The following UNC13C variants were observed in gnomAD, a reference collection of about 807,000 sequenced individuals.
The protein encoded by UNC13C is protein unc-13 homolog C.
A neutral mutation model predicts 245.4 loss-of-function variants in UNC13C; 174 were observed. The observed-to-expected ratio is 0.71, with a 90% confidence interval of 0.63 to 0.80. The LOEUF is 0.80. Ranked by LOEUF, UNC13C falls within the 30% of genes least tolerant of loss-of-function variation. The probability of loss-of-function intolerance (pLI) is 0.00; values close to 1 mark genes in which losing one functional copy is unlikely to be tolerated. For missense variants in UNC13C, 2,829 were observed against 2,602.9 expected, an observed-to-expected ratio of 1.09 and a Z score of -1.89; for synonymous variants, 992 against 895.1, an observed-to-expected ratio of 1.11 and a Z score of -1.93.
intron 17 of UNC13C, among the ~76,000 whole-genome samples, chr15:54,371,949 G>T (rs1345994696): frequency 6.6e-6 from 1 of 152,120 alleles, no homozygotes; most frequent in African/African-American, 2.4e-5. Flanking sequence ...AGGGAGGGGA[G>T]ATTGGGGAGA....
chr15:54,557,928 A>C (rs573488590), intron 29 of UNC13C, among the ~76,000 whole-genome samples: 1 of 152,206 alleles, frequency 6.6e-6, no homozygotes, highest in South Asian at 2.1e-4. Flanking sequence ...AGCCATAAAA[A>C]ATGATGAGTT....
chr15:54,085,748 C>G (rs1899203212), intron 2 of UNC13C, among the ~76,000 whole-genome samples: 1 of 152,100 alleles, frequency 6.6e-6, no homozygotes, highest in South Asian at 2.1e-4. Context: ...TAAAAGAAAA[C>G]TAGGCACAAG....
At chr15:54,389,666 A>C (rs893763433) in intron 17 of UNC13C, among the ~76,000 whole-genome samples, 1 of 152,092 alleles carries the variant, frequency 6.6e-6, no homozygotes, top group African/African-American at 2.4e-5. Flanking sequence ...TTTACTCATA[A>C]TTATTCAAAT....
chr15:54,459,285 C>T (rs543410482), intron 19 of UNC13C, among the ~76,000 whole-genome samples: 66 of 152,256 alleles, frequency 4.3e-4, no homozygotes, highest in African/African-American at 1.5e-3. Context: ...CTACTGTTTC[C>T]TTTATAGGTT....
chr15:54,212,453 T>C (rs2140753531), intron 4 of UNC13C, among the ~76,000 whole-genome samples: 1 of 152,192 alleles, frequency 6.6e-6, no homozygotes, highest in African/African-American at 2.4e-5. Flanking sequence ...CACATCAATG[T>C]ATATTGAAAA....
chr15:54,543,567 AAGAG>A lies in UNC13C; in HGVS notation c.5697-3151_5697-3148del, dbSNP rs1181197375. Among the ~76,000 whole-genome samples, 11 of 147,998 alleles carry A rather than the reference AAGAG, an allele frequency of 7.4e-5. No individual in the cohort carries two copies. In the South Asian group the frequency reaches 2.4e-3, roughly 32 times the overall value. On this transcript the variant is annotated intron_variant, in intron 26 of 32. Coordinates refer to ENST00000260323, the MANE Select transcript of UNC13C (RefSeq NM_001080534.3). ...TACTAGCAAGACTAATAAAGAAAAA[AAGAG>A]AGAAGAATCAAATAGATACAATAAA...
the UNC13C span, among the ~76,000 whole-genome samples, chr15:53,906,960 G>A: frequency 1.3e-5 from 2 of 150,474 alleles, no homozygotes; most frequent in African/African-American, 4.9e-5. Context: ...ACAGCATGGG[G>A]GAACCACCCT....
chr15:53,908,483 A>G, the UNC13C span, among the ~76,000 whole-genome samples: 2 of 145,952 alleles, frequency 1.4e-5, no homozygotes, highest in African/African-American at 4.9e-5. Context: ...GCATGCCTGT[A>G]ATCCTAGCAC....
At chr15:54,056,631 C>G (rs970586215) in intron 2 of UNC13C, among the ~76,000 whole-genome samples, 55 of 152,128 alleles carry the variant, frequency 3.6e-4, no homozygotes, top group Non-Finnish European at 6.2e-4. Context: ...TACTCCTCGA[C>G]AAGAGCAACT....
intron 30 of UNC13C, among the ~76,000 whole-genome samples, chr15:54,571,949 G>A (rs1897773498): frequency 6.6e-6 from 1 of 152,196 alleles, no homozygotes; most frequent in Non-Finnish European, 1.5e-5. Context: ...AGGCTGGCTT[G>A]ACACACACTT....
chr15:54,354,477 A>G (rs1596271768), intron 17 of UNC13C, among the ~76,000 whole-genome samples: 1 of 152,164 alleles, frequency 6.6e-6, no homozygotes, highest in East Asian at 1.9e-4. Flanking sequence ...TACCAGGATT[A>G]CTCTGAAATG....
intron 19 of UNC13C, among the ~76,000 whole-genome samples, chr15:54,455,164 C>CAT (rs1891404906): frequency 1.1e-4 from 2 of 17,516 alleles, no homozygotes; most frequent in African/African-American, 1.9e-4. Flanking sequence ...GAGTCATATT[C>CAT]CTCTCTCTCT....
At position 54,194,045 on chromosome 15, in the gene UNC13C, A is replaced by G. The variant is rs534620537; in HGVS notation, c.3072-40985A>G. On this transcript the variant is annotated intron_variant, in intron 4 of 32. Coordinates refer to ENST00000260323, the MANE Select transcript of UNC13C (RefSeq NM_001080534.3). ...AGAGTAGGTAAAGATGAATTTATAA[A>G]GATGCAAAGGCCATATCTCTGAGGG... Among the ~76,000 whole-genome samples the G allele has an allele frequency of 6.6e-5, 10 of 152,298 alleles. No homozygotes were observed. The South Asian group carries it at 1.0e-3, about 16-fold the overall frequency.
intron 31 of UNC13C, among the ~76,000 whole-genome samples, chr15:54,623,580 C>G (rs1256048319): frequency 6.6e-6 from 1 of 152,168 alleles, no homozygotes; most frequent in Middle Eastern, 3.2e-3. Flanking sequence ...TTGCAGCTAA[C>G]TAACTTTTCA....
intron 2 of UNC13C, among the ~76,000 whole-genome samples, chr15:54,099,740 C>G (rs1900065290): frequency 1.3e-5 from 2 of 152,050 alleles, no homozygotes; most frequent in African/African-American, 4.8e-5. Context: ...CCCATCCACT[C>G]TAAGTTTTTC....
chr15:53,966,388 T>C, the UNC13C span, among the ~76,000 whole-genome samples: 1 of 152,204 alleles, frequency 6.6e-6, no homozygotes. Context: ...CCATTTGTTT[T>C]GATTACCTGA....
intron 1 of UNC13C, among the ~76,000 whole-genome samples, chr15:53,989,532 G>A (rs994285932): frequency 1.3e-5 from 2 of 151,888 alleles, no homozygotes; most frequent in South Asian, 2.1e-4. Flanking sequence ...TTCTTCTTTG[G>A]CAAATGTAGG....
chr15:53,885,055 G>A, the UNC13C span, among the ~76,000 whole-genome samples: 6 of 152,176 alleles, frequency 3.9e-5, no homozygotes, highest in South Asian at 1.2e-3. Flanking sequence ...CACAAAGAGT[G>A]GATCTTAATA....
chr15:53,875,349 T>C, the UNC13C span, among the ~76,000 whole-genome samples: 1 of 152,144 alleles, frequency 6.6e-6, no homozygotes, highest in African/African-American at 2.4e-5. Flanking sequence ...ATTTCTTTTT[T>C]CAGTTATAAT....
Sources: allele counts gnomAD v4.1 joint callset (sites outside exome capture counted in the v4.1 genomes callset), GRCh38; gene constraint gnomAD v4.1.1; transcripts MANE v1.5; gene names NCBI Gene and HGNC (gene_info 2026-07-23, HGNC 2026-07-21).